CORO7: variants seen among roughly 807,000 people sequenced by gnomAD.
CORO7 encodes coronin-7.
Under a neutral mutation model 126.6 loss-of-function variants are expected in CORO7, and 107 were observed. The observed-to-expected ratio is 0.85, with a 90% CI of 0.72 to 0.99. CORO7 has a LOEUF of 0.99. Ranked by LOEUF, CORO7 falls within the 50% of genes least tolerant of loss-of-function variation. The pLI, the probability that CORO7 is intolerant of heterozygous loss-of-function variation, is 0.00. For missense variants in CORO7, 1,314 were observed against 1,255.8 expected, an observed-to-expected ratio of 1.05 and a Z score of -0.70; for synonymous variants, 603 against 536.8, an observed-to-expected ratio of 1.12 and a Z score of -1.70.
chr16:4,365,131 TC>T, intron 10 of CORO7, 71 bp from the exon 11 acceptor site: 2 of 1,545,556 alleles, frequency 1.3e-6, no homozygotes, highest in East Asian at 2.4e-5. Flanking sequence ...TGGCATCAGC[TC>T]CCCCACAGGT....
At chr16:4,387,832 C>T in intron 9 of CORO7, 154 bp downstream of exon 9, 2 of 909,584 alleles carry the variant, frequency 2.2e-6, no homozygotes, top group East Asian at 2.7e-5. Flanking sequence ...GGGTACAGGG[C>T]CAGGTGTCTG....
intron 7 of CORO7, among the ~76,000 whole-genome samples, chr16:4,389,419 TA>T (rs1380463881): frequency 6.6e-6 from 1 of 152,142 alleles, no homozygotes; most frequent in Non-Finnish European, 1.5e-5. Flanking sequence ...AGGACCCTGT[TA>T]CCAAAAATAG....
At chr16:4,361,114 C>G in intron 18 of CORO7, 29 bp from the exon 19 acceptor site, 1 of 1,613,306 alleles carries the variant, frequency 6.2e-7, no homozygotes, top group Non-Finnish European at 8.5e-7. Flanking sequence ...GATCAGGAGC[C>G]CTTGGGAGAC....
chr16:4,396,872 C>G (rs1160390499), intron 6 of CORO7, among the ~76,000 whole-genome samples: 2 of 151,666 alleles, frequency 1.3e-5, no homozygotes, highest in Non-Finnish European at 2.9e-5. Context: ...AAAAATTAGC[C>G]GGGCATGGTG....
At chr16:4,383,737 G>C (rs1284379989) in intron 9 of CORO7, among the ~76,000 whole-genome samples, 2 of 152,226 alleles carry the variant, frequency 1.3e-5, no homozygotes, top group African/African-American at 2.4e-5. Context: ...GGACAAGAAC[G>C]GGTCAGGGAG....
At chr16:4,413,669 C>G (rs1324575314) in intron 1 of CORO7, among the ~76,000 whole-genome samples, 1 of 152,008 alleles carries the variant, frequency 6.6e-6, no homozygotes, top group Non-Finnish European at 1.5e-5. Context: ...TCCTGAGTAG[C>G]TGGGATTACA....
chr16:4,376,161 AG>A (rs1433349057), intron 9 of CORO7, among the ~76,000 whole-genome samples: 2 of 152,126 alleles, frequency 1.3e-5, no homozygotes, highest in Non-Finnish European at 2.9e-5. Context: ...CCCTTCTGTG[AG>A]GGCCCACGAC....
At chr16:4,409,227 A>G (rs957915156) in intron 3 of CORO7, among the ~76,000 whole-genome samples, 3 of 152,220 alleles carry the variant, frequency 2.0e-5, no homozygotes, top group African/African-American at 7.2e-5. Context: ...GAGACAGGGA[A>G]AAGATAGGAC....
intron 3 of CORO7, 66 bp from the exon 4 acceptor site, chr16:4,408,317 C>G: frequency 6.2e-7 from 1 of 1,609,162 alleles, no homozygotes; most frequent in Non-Finnish European, 8.5e-7. Flanking sequence ...AAGCAAAGCC[C>G]AGGGCTTCCG....
chr16:4,384,728 G>C (rs1279588256), intron 9 of CORO7, among the ~76,000 whole-genome samples: 12 of 152,194 alleles, frequency 7.9e-5, no homozygotes, highest in Admixed American at 7.9e-4. Context: ...CGGGCAGTGG[G>C]TGGTGGCAGT....
chr16:4,393,122 G>C (rs1007054161), intron 7 of CORO7, among the ~76,000 whole-genome samples: 2 of 152,198 alleles, frequency 1.3e-5, no homozygotes, highest in Non-Finnish European at 2.9e-5. Context: ...AATCACGTGG[G>C]CCCAGTGAGC....
chr16:4,411,829 C>G (rs1011083909), intron 3 of CORO7, among the ~76,000 whole-genome samples: 7 of 152,056 alleles, frequency 4.6e-5, no homozygotes, highest in Non-Finnish European at 7.4e-5. Flanking sequence ...CTGCCTCCAT[C>G]TGAGGCGAGC....
intron 5 of CORO7, among the ~76,000 whole-genome samples, chr16:4,406,002 T>G (rs2055984551): frequency 6.6e-6 from 1 of 152,208 alleles, no homozygotes; most frequent in African/African-American, 2.4e-5. Flanking sequence ...GATGGTGAAG[T>G]CCTAACCCCC....
chr16:4,374,853 G>T (rs1468101694), intron 9 of CORO7, among the ~76,000 whole-genome samples: 1 of 152,142 alleles, frequency 6.6e-6, no homozygotes, highest in Admixed American at 6.5e-5. Context: ...TAGGGCTGGC[G>T]GCCTTCCTTG....
intron 6 of CORO7, among the ~76,000 whole-genome samples, chr16:4,399,631 G>T (rs895606029): frequency 2.0e-5 from 3 of 152,146 alleles, no homozygotes; most frequent in African/African-American, 7.2e-5. Flanking sequence ...GGTTAAGATG[G>T]TGAATTTTGG....
At chr16:4,367,412 G>A (rs2054381690) in intron 9 of CORO7, among the ~76,000 whole-genome samples, 1 of 152,232 alleles carries the variant, frequency 6.6e-6, no homozygotes, top group Non-Finnish European at 1.5e-5. Flanking sequence ...CTCCTTTGAT[G>A]AGCTGGTCTG....
chr16:4,359,809 T>G (rs2054100561), intron 21 of CORO7, among the ~76,000 whole-genome samples, 188 bp from the exon 22 acceptor site: 1 of 151,720 alleles, frequency 6.6e-6, no homozygotes, highest in Non-Finnish European at 1.5e-5. Context: ...TCTCCTCCAC[T>G]AATCACTCAC....
chr16:4,407,898 A>C (rs1488159358), intron 4 of CORO7, among the ~76,000 whole-genome samples: 1 of 152,198 alleles, frequency 6.6e-6, no homozygotes, highest in African/African-American at 2.4e-5. Context: ...CTCAGCTCCT[A>C]GACCACACGG....
At chr16:4,366,619 G>A (rs1183096392) in intron 9 of CORO7, among the ~76,000 whole-genome samples, 2 of 147,302 alleles carry the variant, frequency 1.4e-5, no homozygotes, top group Non-Finnish European at 3.0e-5. Context: ...ATTGCTCACT[G>A]CAGCCTCAAC....
Sources: gnomAD v4.1 joint callset for allele counts (sites outside exome capture counted in the v4.1 genomes callset) on GRCh38, gnomAD v4.1.1 for gene constraint, MANE v1.5 for transcripts, NCBI Gene and HGNC (gene_info 2026-07-23, HGNC 2026-07-21) for gene names.